Variants in MFN1 observed in about 807,000 individuals in gnomAD.
MFN1 encodes the protein mitofusin 1, also known as mitofusin-1.
In MFN1, 65 loss-of-function variants were observed where a neutral mutation model predicts 92.4. The observed-to-expected ratio is 0.70, with a 90% CI of 0.58 to 0.86. The LOEUF (loss-of-function observed/expected upper bound fraction) is 0.86. Among genes scored for constraint, MFN1 ranks in the 40% least tolerant of loss-of-function variants. The pLI is 0.00. For missense variants in MFN1, 781 were observed against 868.0 expected (o/e 0.90, Z 1.26); for synonymous variants, 297 against 300.9 (o/e 0.99, Z 0.13).
chr3:179,390,276 A>T (rs529865328), intron 17 of MFN1, 138 bp downstream of exon 17: 1 of 797,700 alleles, frequency 1.3e-6, no homozygotes, highest in Non-Finnish European at 1.8e-6. Flanking sequence ...ATTTAATTCC[A>T]TGTGGTTTGC....
At chr3:179,368,247 A>G (rs545128078) in intron 9 of MFN1, 144 bp downstream of exon 9, 16 of 411,438 alleles carry the variant, frequency 3.9e-5, no homozygotes, top group Admixed American at 1.9e-4. Flanking sequence ...TAAAATGTGG[A>G]AAGTGAAGAA....
rs762040286 is a variant in MFN1, at chr3:179,386,568, A to G, written c.1951A>G (p.Thr651Ala). The change falls in exon 16 of 18, where the codon ACT becomes GCT. Residue 651 changes from threonine (T) to alanine (A), a missense_variant. Transcript: ENST00000471841. Reference protein sequence around the residue: ...AFKQQFVNYATEKLRMIVSST... With the variant: ...AFKQQFVNYAAEKLRMIVSST... Reference sequence around the variant, plus strand: ...TAAACAGCAGTTTGTAAACTATGCAACTGAAAAACTGAGGATGATTGTTAG... The same window carrying G: ...TAAACAGCAGTTTGTAAACTATGCAGCTGAAAAACTGAGGATGATTGTTAG... The G allele has an allele frequency of 2.5e-6, 4 of 1,614,148 alleles. No homozygotes were observed. Among genetic ancestry groups the G allele is most frequent in the South Asian group, 2.2e-5 (2 of 91,080 alleles).
chr3:179,383,581 A>G (rs1395984343), intron 14 of MFN1, among the ~76,000 whole-genome samples: 1 of 152,146 alleles, frequency 6.6e-6, no homozygotes, highest in African/African-American at 2.4e-5. Flanking sequence ...TATGAACTTT[A>G]AAGTAGTTTT....
At position 179,394,169 on chromosome 3, in the gene MFN1, A is replaced by G. The variant is rs924820175; in HGVS notation, c.*2110A>G. On this transcript the variant is annotated 3_prime_UTR_variant, in exon 18 of 18. Coordinates refer to ENST00000471841, the MANE Select transcript of MFN1 (RefSeq NM_033540.3). ...AGCTATAATCAACCTTCAAACTTAT[A>G]AAAAGTGTGGATCCTTGGGTCTGAA... 1 of 152,132 alleles carries G rather than the reference A, an allele frequency of 6.6e-6. No homozygotes were observed. Among genetic ancestry groups the G allele is most frequent in the Non-Finnish European group, 1.5e-5 (1 of 68,042 alleles). The allele number at this position is 152,132 out of a possible 1,614,324, so 9.4% of individuals were successfully genotyped here.
intron 16 of MFN1, 122 bp downstream of exon 16, chr3:179,386,751 T>C (rs879540991): frequency 1.2e-5 from 11 of 886,770 alleles, no homozygotes; most frequent in Non-Finnish European, 1.9e-5. Flanking sequence ...TGTTTCGTGA[T>C]GGCCATAAAT....
intron 5 of MFN1, 45 bp from the exon 6 acceptor site, chr3:179,364,252 T>G: frequency 1.5e-6 from 2 of 1,361,920 alleles, no homozygotes; most frequent in Non-Finnish European, 2.0e-6. Context: ...AACCCAAATT[T>G]TCTTTTTAAG....
intron 7 of MFN1, 112 bp from the exon 8 acceptor site, chr3:179,367,327 A>G: frequency 5.0e-6 from 4 of 803,342 alleles, no homozygotes; most frequent in South Asian, 2.7e-5. Context: ...TTCATTAGTT[A>G]TATGGTAACT....
At chr3:179,373,485 G>A (rs115950938) in intron 9 of MFN1, among the ~76,000 whole-genome samples, 2,204 of 152,066 alleles carry the variant, frequency 0.014, 59 homozygotes, top group South Asian at 0.11. Context: ...AGAGGTTCGA[G>A]AAGATGAATT....
intron 5 of MFN1, among the ~76,000 whole-genome samples, chr3:179,363,507 T>C (rs1415642768): frequency 1.3e-5 from 2 of 152,204 alleles, no homozygotes; most frequent in Non-Finnish European, 2.9e-5. Flanking sequence ...TTTTTTTTTT[T>C]CGGAGGCAGG....
intron 4 of MFN1, chr3:179,359,826 T>C (rs2108529684): frequency 6.6e-6 from 1 of 151,880 alleles, no homozygotes; most frequent in South Asian, 2.1e-4. Flanking sequence ...CATAACTAAA[T>C]TAGTGAAAAA....
At chr3:179,350,662 A>G (rs765234091) in intron 2 of MFN1, among the ~76,000 whole-genome samples, 1 of 152,210 alleles carries the variant, frequency 6.6e-6, no homozygotes, top group Non-Finnish European at 1.5e-5. Context: ...CAAAAATAAA[A>G]TGAAAAGCAA....
chr3:179,388,027 C>G (rs1017488844), intron 16 of MFN1, among the ~76,000 whole-genome samples: 9 of 151,920 alleles, frequency 5.9e-5, no homozygotes, highest in African/African-American at 9.7e-5. Flanking sequence ...CCTCCATGCC[C>G]AGCCCCTTGC....
intron 3 of MFN1, among the ~76,000 whole-genome samples, chr3:179,354,598 A>G (rs1409456704): frequency 6.6e-6 from 1 of 152,196 alleles, no homozygotes; most frequent in Non-Finnish European, 1.5e-5. Flanking sequence ...ATGGGTCCAT[A>G]AAGTGAAAGC....
chr3:179,376,919 T>C lies in MFN1; in HGVS notation c.1098-123T>C, dbSNP rs1161270304. On this transcript the variant is annotated intron_variant, in intron 10 of 17. Coordinates refer to ENST00000471841, the MANE Select transcript of MFN1 (RefSeq NM_033540.3). ...ATATTACTTGAATCCTTTGAGATGT[T>C]ACAAGTTTTTTTTTTCCTTGAGTCA... The C allele has an allele frequency of 3.5e-6, 3 of 857,284 alleles. No homozygotes were observed. The African/African-American group carries it at 5.3e-5, about 15-fold the overall frequency. The allele number at this position is 857,284 out of a possible 1,614,324, so 53.1% of individuals were successfully genotyped here.
chr3:179,375,266 C>G lies in MFN1; in HGVS notation c.1022C>G (p.Thr341Ser), dbSNP rs1713195443. The G allele has an allele frequency of 6.2e-7, 1 of 1,613,922 alleles. No homozygotes were observed. ...GTGAAAACAAAGTTCGAACAGCACA[C>G]TATCAGAGCTAAACAGATACTAGCT... ...SAVKTKFEQH[T>S]IRAKQILATV... The change falls in exon 10 of 18, where the codon ACT becomes AGT. Residue 341 changes from threonine (T) to serine (S), a missense_variant. Transcript: ENST00000471841.
intron 7 of MFN1, among the ~76,000 whole-genome samples, chr3:179,367,075 C>G (rs1172921290): frequency 3.9e-5 from 6 of 152,182 alleles, no homozygotes; most frequent in African/African-American, 1.4e-4. Flanking sequence ...TTACCGGCAC[C>G]TGCCACCACA....
Position 179,385,643 on chromosome 3 carries a change from A to C in MFN1, c.1737A>C (p.Glu579Asp). 1 of 1,613,892 alleles carries C rather than the reference A, an allele frequency of 6.2e-7. No individual in the cohort carries two copies. Among genetic ancestry groups the C allele is most frequent in the South Asian group, 1.1e-5 (1 of 91,060 alleles). The part of the protein sequence containing the change: ...PATPDNASQE[E>D]LMITLVTGLA... ...CGCCAGATAATGCATCACAGGAAGAACTCATGATTACATTAGTAACAGGAT... is the reference window on the plus strand; with the variant it reads ...CGCCAGATAATGCATCACAGGAAGACCTCATGATTACATTAGTAACAGGAT... The change falls in exon 15 of 18, where the codon GAA (glutamate) becomes GAC (aspartate). Residue 579 changes from glutamate to aspartate, a missense_variant. Physicochemically the swap from Glu to Asp is conservative, Grantham distance 45 (BLOSUM62 2). Transcript: ENST00000471841.
intron 1 of MFN1, 143 bp from the exon 2 acceptor site, chr3:179,348,702 A>G: frequency 7.9e-7 from 1 of 1,273,564 alleles, no homozygotes; most frequent in South Asian, 1.8e-5. Context: ...TGACTAGAAC[A>G]CTCCCAAAAA....
intron 16 of MFN1, among the ~76,000 whole-genome samples, chr3:179,388,727 T>C (rs970400760): frequency 6.6e-6 from 1 of 152,110 alleles, no homozygotes; most frequent in Non-Finnish European, 1.5e-5. Flanking sequence ...CTAGGGGAGA[T>C]GTGTAGCATA....
Sources: gnomAD v4.1 joint callset for allele counts (sites outside exome capture counted in the v4.1 genomes callset) on GRCh38, gnomAD v4.1.1 for gene constraint, MANE v1.5 for transcripts, NCBI Gene and HGNC (gene_info 2026-07-23, HGNC 2026-07-21) for gene names.